YES1: variants seen among roughly 807,000 people sequenced by gnomAD.
The protein encoded by YES1 is YES proto-oncogene 1, Src family tyrosine kinase.
A neutral mutation model predicts 70.4 loss-of-function variants in YES1; 39 were observed. That is an observed-to-expected ratio of 0.55 (90% CI 0.43 to 0.72). The LOEUF (loss-of-function observed/expected upper bound fraction) is 0.72, where lower values mean the gene tolerates loss of function less well. YES1 is among the 30% of genes least tolerant of loss of function. The pLI is 0.00. For synonymous variants in YES1, 198 were observed against 218.6 expected (o/e 0.91, Z 0.83); for missense variants, 495 against 644.8 (o/e 0.77, Z 2.52).
intron 1 of YES1, among the ~76,000 whole-genome samples, chr18:773,909 G>A (rs1905261076): frequency 1.3e-5 from 2 of 151,188 alleles, no homozygotes; most frequent in African/African-American, 2.4e-5. Flanking sequence ...TCGGCTCACT[G>A]CAACCTCCAC....
intron 11 of YES1, among the ~76,000 whole-genome samples, chr18:729,870 C>T (rs1310237062): frequency 6.6e-6 from 1 of 152,122 alleles, no homozygotes; most frequent in African/African-American, 2.4e-5. Context: ...TGTGATCCAC[C>T]CGCCTTGGCT....
At chr18:748,486 A>G (rs764942157) in intron 3 of YES1, among the ~76,000 whole-genome samples, 82 of 152,050 alleles carry the variant, frequency 5.4e-4, no homozygotes, top group Admixed American at 1.2e-3. Flanking sequence ...AATCAATTTT[A>G]GAATATTTTC....
chr18:734,511 G>A (rs781763311), intron 10 of YES1, among the ~76,000 whole-genome samples: 6 of 151,370 alleles, frequency 4.0e-5, no homozygotes, highest in Admixed American at 6.6e-5. Context: ...AGCCAAGATC[G>A]CGCCACTGCA....
At chr18:764,152 T>G (rs113811708) in intron 1 of YES1, among the ~76,000 whole-genome samples, 14,550 of 152,098 alleles carry the variant, frequency 0.096, 893 homozygotes, top group Admixed American at 0.21. Context: ...TCATTCATTC[T>G]TCAGTATTTA....
chr18:743,198 A>G (rs897955047), intron 7 of YES1, 62 bp downstream of exon 7: 4 of 1,567,352 alleles, frequency 2.6e-6, no homozygotes, highest in African/African-American at 2.7e-5. Context: ...ATTTTATCAT[A>G]AATTGTTGCA....
At chr18:727,574 C>G (rs2080035659) in intron 11 of YES1, among the ~76,000 whole-genome samples, 1 of 136,266 alleles carries the variant, frequency 7.3e-6, no homozygotes, top group Non-Finnish European at 1.6e-5. Flanking sequence ...TTTTTTCTCT[C>G]CTCTGTTGGC....
chr18:731,473 G>A (rs984765853), intron 11 of YES1, among the ~76,000 whole-genome samples: 1 of 152,182 alleles, frequency 6.6e-6, no homozygotes, highest in African/African-American at 2.4e-5. Context: ...GAACTGTAGG[G>A]AAGAGGAATA....
intron 1 of YES1, among the ~76,000 whole-genome samples, chr18:769,591 C>T (rs1905066409): frequency 6.6e-6 from 1 of 152,162 alleles, no homozygotes. Context: ...TAAGGCCAAG[C>T]AAAGTTCCCT....
chr18:768,264 A>T (rs1904999513), intron 1 of YES1, among the ~76,000 whole-genome samples: 2 of 152,246 alleles, frequency 1.3e-5, no homozygotes, highest in South Asian at 2.1e-4. Flanking sequence ...TACAAATTTT[A>T]AAATCTCTAC....
Position 739,799 on chromosome 18 carries a change from T to G in YES1, c.1073A>C (p.Asp358Ala). ...CTTTCCATCTCCTTCCTTAAGGAAA[T>G]CTAATAAGCTTCCTGTAACAGACAG... ...TEFMSKGSLLDFLKEGDGKYL... is the reference protein window; with the variant it reads ...TEFMSKGSLLAFLKEGDGKYL... Residue 358 changes from aspartate to alanine, a missense_variant, in exon 9 of 12, where the codon GAT becomes GCT. By Grantham distance (126) the Asp-to-Ala change is moderately radical (BLOSUM62 -2). Coordinates refer to ENST00000314574, the MANE Select transcript of YES1 (RefSeq NM_005433.4). 6.2e-7 allele frequency: 1 copy of G among 1,610,216 alleles called. No homozygotes were observed. The highest frequency in any genetic ancestry group is 8.5e-7 in the Non-Finnish European group (1 of 1,179,122).
At position 791,120 on chromosome 18, in the gene YES1, C is replaced by T. The variant is rs371413228; in HGVS notation, c.-9+20994G>A. Among the ~76,000 whole-genome samples, 326 of 151,424 alleles carry T rather than the reference C, an allele frequency of 2.2e-3. 1 individual carries two copies. Among genetic ancestry groups the T allele is most frequent in the African/African-American group, 7.4e-3 (307 of 41,252 alleles). ...CAAAAATTAGCCGGGCGTGGTGGTG[C>T]GCGTTTGTAATCCCAGCTTCTCGGG... On this transcript the variant is annotated intron_variant, in intron 1 of 11. Transcript: ENST00000314574.
At chr18:804,840 G>C (rs1327188048) in intron 1 of YES1, among the ~76,000 whole-genome samples, 1 of 144,742 alleles carries the variant, frequency 6.9e-6, no homozygotes, top group Non-Finnish European at 1.5e-5. Context: ...CTTGAACCCA[G>C]GAGGCTGAGG....
intron 2 of YES1, 97 bp from the exon 3 acceptor site, chr18:751,901 ATAGTTTTTTCTG>A: frequency 1.2e-6 from 1 of 801,432 alleles, no homozygotes; most frequent in Non-Finnish European, 2.1e-6. Flanking sequence ...AAGCTTAAGG[ATAGTTTTTTCTG>A]TAGTCTCCAG....
chr18:760,435 A>G (rs994468796), intron 1 of YES1, among the ~76,000 whole-genome samples: 1 of 152,118 alleles, frequency 6.6e-6, no homozygotes, highest in Non-Finnish European at 1.5e-5. Flanking sequence ...ATGCCACTGC[A>G]CTCCAGCCTG....
chr18:744,446 G>T (rs1377411574), intron 6 of YES1, among the ~76,000 whole-genome samples: 1 of 150,406 alleles, frequency 6.6e-6, no homozygotes, highest in African/African-American at 2.5e-5. Flanking sequence ...ATGGAGTGCA[G>T]TGGTGTGGTC....
chr18:797,028 G>A (rs74764242), intron 1 of YES1, among the ~76,000 whole-genome samples: 8,658 of 152,068 alleles, frequency 0.057, 344 homozygotes, highest in East Asian at 0.12. Context: ...ATCTTCAAGT[G>A]GAGAAAATAT....
intron 1 of YES1, among the ~76,000 whole-genome samples, chr18:787,118 A>T (rs1906000344): frequency 1.1e-5 from 1 of 88,994 alleles, no homozygotes. Flanking sequence ...TTTTTTTGAG[A>T]CAGAGTCTCG....
rs373648229 is a variant in YES1 at position 745,757 on chromosome 18, T to C, written c.675A>G (p.Thr225=). ...GCAGAGTATCAAATTGTGCTCTGGT[T>C]GTGATATAGTATCCACCATTGTCAA... ...RKLDNGGYYI[T]TRAQFDTLQK... is the part of the protein sequence containing the mutation. The change falls in exon 6 of 12, where the codon ACA becomes ACG. Residue 225 remains threonine (T), a synonymous_variant. Transcript: ENST00000314574. 15 of 1,613,392 alleles carry C rather than the reference T, an allele frequency of 9.3e-6. No homozygotes were observed. Among genetic ancestry groups the C allele is most frequent in the African/African-American group, 1.3e-5 (1 of 75,040 alleles).
At chr18:774,555 C>G (rs1180510017) in intron 1 of YES1, among the ~76,000 whole-genome samples, 1 of 152,114 alleles carries the variant, frequency 6.6e-6, no homozygotes, top group East Asian at 1.9e-4. Context: ...CTGAAGTCAC[C>G]CTTATTACCT....
Sources: allele counts gnomAD v4.1 joint callset (sites outside exome capture counted in the v4.1 genomes callset), GRCh38; gene constraint gnomAD v4.1.1; transcripts MANE v1.5; gene names NCBI Gene and HGNC (gene_info 2026-07-23, HGNC 2026-07-21).